Variants in DNAH1 observed in about 807,000 individuals in gnomAD.
DNAH1 encodes dynein axonemal heavy chain 1.
In DNAH1, 327 loss-of-function variants were observed where a neutral mutation model predicts 484.3. The ratio of observed to expected loss-of-function variants is 0.68; its 90% CI spans 0.62 to 0.74. The LOEUF is 0.74. Ranked by LOEUF, DNAH1 falls within the 30% of genes least tolerant of loss-of-function variation. DNAH1 has a pLI of 0.00. For synonymous variants in DNAH1, 2,192 were observed against 2,191.9 expected (o/e 1.00, Z 0.00); for missense variants, 5,052 against 5,546.8 (o/e 0.91, Z 2.83).
upstream of DNAH1, among the ~76,000 whole-genome samples, chr3:52,315,136 C>T (rs1397637421): frequency 1.3e-5 from 2 of 152,174 alleles, no homozygotes; most frequent in Non-Finnish European, 2.9e-5. Flanking sequence ...GGCAGTGAAT[C>T]GTAGACCTCA....
intron 52 of DNAH1, among the ~76,000 whole-genome samples, chr3:52,384,519 A>C (rs1322304632): frequency 2.8e-4 from 42 of 152,200 alleles, no homozygotes; most frequent in Admixed American, 2.7e-3. Context: ...GCTGGGAGAC[A>C]GCTAGGTCCA....
At chr3:52,314,092 G>A (rs1559477876), upstream of DNAH1, among the ~76,000 whole-genome samples, 1 of 152,210 alleles carries the variant, frequency 6.6e-6, no homozygotes, top group Non-Finnish European at 1.5e-5. Flanking sequence ...TGGAAGGTGG[G>A]AGTGGGGGCA....
At chr3:52,320,122 A>G (rs1701091222) in intron 1 of DNAH1, among the ~76,000 whole-genome samples, 1 of 152,186 alleles carries the variant, frequency 6.6e-6, no homozygotes. Context: ...TCTCCTGTGG[A>G]GCTGGGACCC....
chr3:52,357,910 G>A lies in DNAH1; in HGVS notation c.3993G>A (p.Leu1331=). The A allele has an allele frequency of 5.0e-6, 8 of 1,612,884 alleles. No homozygotes were observed. The highest frequency in any genetic ancestry group is 6.8e-6 in the Non-Finnish European group (8 of 1,179,578). The part of the protein sequence containing the change: ...KRSAFPRFYF[L]SDDELLEILS... ...GTTCCCCTGGCAGATTCTACTTCCT[G>A]TCAGATGATGAACTACTAGAGATCT... is the stretch of plus-strand genomic sequence containing the variant. The change falls in exon 24 of 78, where the codon CTG becomes CTA. Residue 1331 remains leucine (L), a synonymous_variant. Transcript: ENST00000420323.
Position 52,358,444 on chromosome 3 carries a change from AG to A in DNAH1, c.4087-111del. 2 of 1,142,694 alleles carry A rather than the reference AG, an allele frequency of 1.8e-6. No individual in the cohort carries two copies. Among genetic ancestry groups the A allele is most frequent in the Non-Finnish European group, 2.4e-6 (2 of 825,762 alleles). The allele number at this position is 1,142,694 out of a possible 1,614,324, so 70.8% of individuals were successfully genotyped here. On this transcript the variant is annotated intron_variant, in intron 24 of 77. Coordinates refer to ENST00000420323, the MANE Select transcript of DNAH1 (RefSeq NM_015512.5). This position sits in a 1 kb window ranked among gnomAD's most constrained non-coding sequence, Gnocchi z 4.2. ...TAGACTCTCGGGGGGACGGGAAGGC[AG>A]GGCTTTCTTCTTGAGGTGGAGGGCA... is the stretch of plus-strand genomic sequence containing the variant.
chr3:52,400,443 C>T lies in DNAH1; in HGVS notation c.12795C>T (p.Tyr4265=), dbSNP rs761508917. ...TGGCCCTCATCTGTGCCCTGGACTA[C>T]TAGACTCAGACAGAAGGGCTGGGGC... ...RGVALICALD[Y] The change falls in exon 78 of 78, where the codon TAC becomes TAT. Residue 4265 remains tyrosine (Y), a synonymous_variant. Transcript: ENST00000420323. The T allele has an allele frequency of 3.1e-6, 5 of 1,613,920 alleles. No individual in the cohort carries two copies. Among genetic ancestry groups the T allele is most frequent in the East Asian group, 2.2e-5 (1 of 44,900 alleles).
Position 52,382,410 on chromosome 3 carries a change from G to A in DNAH1, c.7896G>A (p.Ala2632=), listed in dbSNP as rs199613124. 4.3e-5 allele frequency: 70 copies of A among 1,613,984 alleles called. No individual in the cohort carries two copies. Among genetic ancestry groups the A allele is most frequent in the Middle Eastern group, 1.7e-4 (1 of 6,060 alleles). ...ATGTGAAGAAGGTCCTGCTCAAGGCGGGCCTACAGAACCTACCCATCACCT... is the reference window on the plus strand; with the variant it reads ...ATGTGAAGAAGGTCCTGCTCAAGGCAGGCCTACAGAACCTACCCATCACCT... The part of the protein sequence containing the change: ...RDDVKKVLLK[A]GLQNLPITFL... The change falls in exon 50 of 78, where the codon GCG becomes GCA. Residue 2632 remains alanine (A), a synonymous_variant. Coordinates refer to ENST00000420323, the MANE Select transcript of DNAH1 (RefSeq NM_015512.5).
Position 52,381,534 on chromosome 3 carries a change from T to G in DNAH1, c.7609-106T>G, listed in dbSNP as rs1703842492. ...CCGGGTCACAGGTGGTCAAGGCACCTGTGCTTCTCAGTCAGGACAGAGAAG... is the reference window on the plus strand; with the variant it reads ...CCGGGTCACAGGTGGTCAAGGCACCGGTGCTTCTCAGTCAGGACAGAGAAG... On this transcript the variant is annotated intron_variant, in intron 48 of 77. Transcript: ENST00000420323. This position sits in a 1 kb window ranked among gnomAD's most constrained non-coding sequence, Gnocchi z 4.1. The G allele has an allele frequency of 4.5e-6, 5 of 1,099,712 alleles. No homozygotes were observed. Among genetic ancestry groups the G allele is most frequent in the Non-Finnish European group, 6.4e-6 (5 of 777,928 alleles). The allele number at this position is 1,099,712 out of a possible 1,614,324, so 68.1% of individuals were successfully genotyped here.
upstream of DNAH1, among the ~76,000 whole-genome samples, chr3:52,313,807 A>G (rs1359352984): frequency 5.3e-5 from 8 of 152,096 alleles, no homozygotes; most frequent in Admixed American, 4.6e-4. Flanking sequence ...GGGCAGGAAA[A>G]GTCTTGGTGT....
Position 52,379,802 on chromosome 3 carries a change from C to T in DNAH1, c.7378-103C>T. ...CATGGTGGGAGAGCCAGGCTCCAGT[C>T]AGGGCCCCAGGAACTGGGGCCCACC... On this transcript the variant is annotated intron_variant, in intron 47 of 77. Transcript: ENST00000420323. The surrounding 1 kb of genome is among the most constrained non-coding windows in gnomAD (Gnocchi z 4.4). 2.0e-6 allele frequency: 2 copies of T among 1,013,804 alleles called. No homozygotes were observed. The highest frequency in any genetic ancestry group is 2.8e-6 in the Non-Finnish European group (2 of 703,396). 62.8% of individuals were successfully genotyped at this position (1,013,804 alleles called of 1,614,324 possible). A position where few individuals can be genotyped will look rare whatever the true frequency, so the allele number is the denominator to read the frequency against.
At chr3:52,346,101 G>A (rs1559508225) in intron 10 of DNAH1, among the ~76,000 whole-genome samples, 1 of 152,188 alleles carries the variant, frequency 6.6e-6, no homozygotes, top group East Asian at 1.9e-4. Context: ...GTCTCTGTCT[G>A]TCTCTCCACC....
intron 50 of DNAH1, 33 bp from the exon 51 acceptor site, chr3:52,383,353 G>A (rs1333110084): frequency 6.3e-7 from 1 of 1,596,454 alleles, no homozygotes; most frequent in Admixed American, 1.7e-5. Flanking sequence ...AACATGCAGG[G>A]GCTTAGCTCC....
At chr3:52,332,678 G>A (rs1033816371) in intron 8 of DNAH1, among the ~76,000 whole-genome samples, 6 of 152,074 alleles carry the variant, frequency 3.9e-5, no homozygotes, top group East Asian at 1.9e-4. Context: ...TTTGGCCAGC[G>A]GGAGACTTTT....
At position 52,359,231 on chromosome 3, in the gene DNAH1, A is replaced by G. The variant is rs1309784588; in HGVS notation, c.4267-15A>G. The G allele has an allele frequency of 6.4e-7, 1 of 1,561,250 alleles. No homozygotes were observed. Among genetic ancestry groups the G allele is most frequent in the Admixed American group, 1.9e-5 (1 of 53,138 alleles). On this transcript the variant is annotated splice_polypyrimidine_tract_variant and intron_variant, in intron 25 of 77. Coordinates refer to ENST00000420323, the MANE Select transcript of DNAH1 (RefSeq NM_015512.5). ...TGCGGCTGTCCAGGTCAGCCTGCCCATGCTGTCTTCCCAGATGCCCAGGAC... is the reference window on the plus strand; with the variant it reads ...TGCGGCTGTCCAGGTCAGCCTGCCCGTGCTGTCTTCCCAGATGCCCAGGAC...
rs191474699 is a variant in DNAH1 at position 52,360,305 on chromosome 3, C to T, written c.4572-6C>T. 152 of 1,611,006 alleles carry T rather than the reference C, an allele frequency of 9.4e-5. No homozygotes were observed. Among genetic ancestry groups the T allele is most frequent in the Admixed American group, 2.7e-4 (16 of 59,972 alleles). On this transcript the variant is annotated splice_region_variant and splice_polypyrimidine_tract_variant and intron_variant, in intron 27 of 77. Coordinates refer to ENST00000420323, the MANE Select transcript of DNAH1 (RefSeq NM_015512.5). ...TGGCCAGGCCCTCATCTCCCTGCAC[C>T]GCCAGGTACTACTGGACAAATAATG...
upstream of DNAH1, among the ~76,000 whole-genome samples, chr3:52,315,687 C>A (rs55853317): frequency 6.6e-6 from 1 of 152,228 alleles, no homozygotes; most frequent in African/African-American, 2.4e-5. Context: ...ATGGCCCTCC[C>A]ATCACAAGAG....
Position 52,349,552 on chromosome 3 carries a change from A to G in DNAH1, c.2526+132A>G, listed in dbSNP as rs1702286859. 61 of 864,800 alleles carry G rather than the reference A, an allele frequency of 7.1e-5. No homozygotes were observed. The South Asian group carries it at 1.0e-3, about 14-fold the overall frequency. 53.6% of individuals were successfully genotyped at this position (864,800 alleles called of 1,614,324 possible). ...GTCTGTGGATGCCCAGGCCAAGGGA[A>G]GGAGCTGGAAATCACCCTGCCCCAT... is the stretch of plus-strand genomic sequence containing the variant. On this transcript the variant is annotated intron_variant, in intron 14 of 77. Transcript: ENST00000420323.
Position 52,358,427 on chromosome 3 carries a change from C to G in DNAH1, c.4087-131C>G. 9.7e-7 allele frequency: 1 copy of G among 1,028,202 alleles called. No homozygotes were observed. Among genetic ancestry groups the G allele is most frequent in the Non-Finnish European group, 1.4e-6 (1 of 724,692 alleles). 63.7% of individuals were successfully genotyped at this position (1,028,202 alleles called of 1,614,324 possible). On this transcript the variant is annotated intron_variant, in intron 24 of 77. Transcript: ENST00000420323. This position sits in a 1 kb window ranked among gnomAD's most constrained non-coding sequence, Gnocchi z 4.2. ...GGAAGGCCCAGCCAAGATAGACTCT[C>G]GGGGGGACGGGAAGGCAGGGCTTTC...
chr3:52,385,958 T>G (rs1011378438), intron 54 of DNAH1, among the ~76,000 whole-genome samples: 1 of 152,124 alleles, frequency 6.6e-6, no homozygotes, highest in African/African-American at 2.4e-5. Context: ...CATCCAAACT[T>G]GTAAGGCCCC....
Sources: gnomAD v4.1 joint callset for allele counts (sites outside exome capture counted in the v4.1 genomes callset) on GRCh38, gnomAD v4.1.1 for gene constraint, Gnocchi (gnomAD v3.1) non-coding constraint, MANE v1.5 for transcripts, NCBI Gene and HGNC (gene_info 2026-07-23, HGNC 2026-07-21) for gene names.